Variants in ARAP1 observed in about 807,000 individuals in gnomAD.
ARAP1 encodes the protein arf-GAP with Rho-GAP domain, ANK repeat and PH domain-containing protein 1.
ARAP1 carries 76 observed loss-of-function variants against 172.2 expected under a neutral mutation model. That is an observed-to-expected ratio of 0.44 (90% CI 0.37 to 0.53). The LOEUF (loss-of-function observed/expected upper bound fraction) is 0.53. Ranked by LOEUF, ARAP1 falls within the 20% of genes least tolerant of loss-of-function variation. The pLI, the probability that ARAP1 is intolerant of heterozygous loss-of-function variation, is 0.00. For synonymous variants in ARAP1, 804 were observed against 803.3 expected (o/e 1.00, Z -0.01); for missense variants, 1,686 against 1,977.5 (o/e 0.85, Z 2.80).
In ARAP1 at chr11:72,704,342, G is replaced by T; in HGVS notation, c.1810-8C>A. On this transcript the variant is annotated splice_polypyrimidine_tract_variant and splice_region_variant and intron_variant, in intron 13 of 34. Transcript: ENST00000393609. ...CCCCAGCTGTAAGAAGAGCTGTGGGGGTGTGCAGGAGGTCAGACGGGCCAG... is the reference window on the plus strand; with the variant it reads ...CCCCAGCTGTAAGAAGAGCTGTGGGTGTGTGCAGGAGGTCAGACGGGCCAG... 6.4e-7 allele frequency: 1 copy of T among 1,564,468 alleles called. No homozygotes were observed. The highest frequency in any genetic ancestry group is 8.7e-7 in the Non-Finnish European group (1 of 1,156,060).
intron 15 of ARAP1, among the ~76,000 whole-genome samples, chr11:72,702,318 C>G (rs1856526195): frequency 6.6e-6 from 1 of 152,106 alleles, no homozygotes; most frequent in Non-Finnish European, 1.5e-5. Flanking sequence ...TGGCCCTGAG[C>G]CCAGAGCCCC....
At position 72,695,591 on chromosome 11, in the gene ARAP1, A is replaced by G; in HGVS notation, c.3458T>C (p.Ile1153Thr). ...CACGCGCATCTTCACAATGGCAGTG[A>G]TCTCCTCCCGCTGCTTCCTGAGCTC... ...EEELRKQREE[I>T]TAIVKMRVAG... Residue 1153 changes from isoleucine to threonine, a missense_variant, in exon 25 of 35, where the codon ATC (isoleucine) becomes ACC (threonine). Physicochemically the swap from Ile to Thr is moderately conservative, Grantham distance 89. Transcript: ENST00000393609. The surrounding 1 kb of genome is among the most constrained non-coding windows in gnomAD (Gnocchi z 4.4). The G allele has an allele frequency of 6.2e-7, 1 of 1,614,050 alleles. No homozygotes were observed. The highest frequency in any genetic ancestry group is 2.2e-5 in the East Asian group (1 of 44,878).
Position 72,693,116 on chromosome 11 carries a change from C to T in ARAP1, c.3954+209G>A, listed in dbSNP as rs912362846. On this transcript the variant is annotated intron_variant, in intron 29 of 34. Coordinates refer to ENST00000393609, the MANE Select transcript of ARAP1 (RefSeq NM_001040118.3). This position sits in a 1 kb window ranked among gnomAD's most constrained non-coding sequence, Gnocchi z 4.6. ...GAGTGGTGTGATGGCATCCGGGTGC[C>T]AGGGCTTAGTGGGGCTACAGGGCAC... 5.2e-5 allele frequency: 39 copies of T among 753,218 alleles called. No homozygotes were observed. The highest frequency in any genetic ancestry group is 7.7e-4 in the Middle Eastern group (2 of 2,586). 46.7% of individuals were successfully genotyped at this position (753,218 alleles called of 1,614,324 possible).
chr11:72,720,508 C>T (rs983061452), intron 3 of ARAP1, among the ~76,000 whole-genome samples: 1 of 152,196 alleles, frequency 6.6e-6, no homozygotes, highest in Non-Finnish European at 1.5e-5. Context: ...GGCCAGTCCT[C>T]TCCATGCCGC....
rs750569174 is a variant in ARAP1 at position 72,693,358 on chromosome 11, G to A, written c.3921C>T (p.Asn1307=). Residue 1307 remains asparagine, a synonymous_variant, in exon 29 of 35, where the codon AAC becomes AAT. Coordinates refer to ENST00000393609, the MANE Select transcript of ARAP1 (RefSeq NM_001040118.3). The surrounding 1 kb of genome is among the most constrained non-coding windows in gnomAD (Gnocchi z 4.6). ...GGFHDRYFIL[N]SSCLRLYKEV... Reference sequence around the variant, plus strand: ...CCTTGTAGAGCCGCAAGCAGCTGCTGTTGAGGATGAAGTAGCGATCGTGGA... The same window carrying A: ...CCTTGTAGAGCCGCAAGCAGCTGCTATTGAGGATGAAGTAGCGATCGTGGA... 25 of 1,613,832 alleles carry A rather than the reference G, an allele frequency of 1.5e-5. No homozygotes were observed. Among genetic ancestry groups the A allele is most frequent in the Non-Finnish European group, 1.9e-5 (23 of 1,179,856 alleles).
chr11:72,695,219 G>T lies in ARAP1; in HGVS notation c.3577-122C>A. 7.5e-7 allele frequency: 1 copy of T among 1,336,798 alleles called. No homozygotes were observed. The highest frequency in any genetic ancestry group is 1.1e-6 in the Non-Finnish European group (1 of 949,410). The allele number at this position is 1,336,798 out of a possible 1,614,324, so 82.8% of individuals were successfully genotyped here. The stretch of plus-strand genomic sequence containing the variant: ...GGCCCTTCTGGAGTCCTGGGATAGA[G>T]AGGGGTATTTCTGAGTGGTCCTTAG... On this transcript the variant is annotated intron_variant, in intron 26 of 34. Transcript: ENST00000393609. The surrounding 1 kb of genome is among the most constrained non-coding windows in gnomAD (Gnocchi z 4.4).
At position 72,736,700 on chromosome 11, in the gene ARAP1, C is replaced by T. The variant is rs192431934; in HGVS notation, c.-127-4103G>A. 2.7e-4 allele frequency among the ~76,000 whole-genome samples: 41 copies of T among 152,248 alleles called. 1 individual carries two copies. In the East Asian group the frequency reaches 6.2e-3, roughly 23 times the overall value. ...CTCCTTCTCTCTCATGTCCCTCCAGCGTCTCTCCACTGTGCCAACTACAGT... is the reference window on the plus strand; with the variant it reads ...CTCCTTCTCTCTCATGTCCCTCCAGTGTCTCTCCACTGTGCCAACTACAGT... On this transcript the variant is annotated intron_variant, in intron 1 of 34. Transcript: ENST00000393609.
intron 1 of ARAP1, among the ~76,000 whole-genome samples, chr11:72,746,776 C>G (rs1858380963): frequency 6.6e-6 from 1 of 152,116 alleles, no homozygotes; most frequent in South Asian, 2.1e-4. Flanking sequence ...TCCTTACTGC[C>G]CCTCCCTGAA....
At chr11:72,706,525 T>C (rs1856769776) in intron 12 of ARAP1, among the ~76,000 whole-genome samples, 2 of 152,170 alleles carry the variant, frequency 1.3e-5, no homozygotes, top group African/African-American at 4.8e-5. Context: ...ATTGAGCAGA[T>C]GAATGAACCT....
chr11:72,735,824 C>T (rs972830085), intron 1 of ARAP1, among the ~76,000 whole-genome samples: 3 of 152,144 alleles, frequency 2.0e-5, no homozygotes, highest in Non-Finnish European at 2.9e-5. Flanking sequence ...CACGGTGACT[C>T]GGCACTGACA....
intron 3 of ARAP1, among the ~76,000 whole-genome samples, chr11:72,724,620 T>C (rs1020431028): frequency 1.3e-5 from 2 of 152,116 alleles, no homozygotes; most frequent in Admixed American, 6.6e-5. Context: ...GCTGTGAGTT[T>C]TTCCTACCAC....
chr11:72,692,889 G>C (rs1234057650), intron 29 of ARAP1, 104 bp from the exon 30 acceptor site: 97 of 1,431,740 alleles, frequency 6.8e-5, no homozygotes, highest in Non-Finnish European at 4.8e-5. Context: ...GCATGTATGT[G>C]CAGAAGGTGG....
chr11:72,695,123 C>A lies in ARAP1; in HGVS notation c.3577-26G>T. ...CTGCAAGGACCAAGGAGGAGATTAG[C>A]CTGCCTGTGCCTAGCCCCTGCTCTG... On this transcript the variant is annotated intron_variant, in intron 26 of 34. Transcript: ENST00000393609. The surrounding 1 kb of genome is among the most constrained non-coding windows in gnomAD (Gnocchi z 4.4). 1 of 1,606,950 alleles carries A rather than the reference C, an allele frequency of 6.2e-7. No homozygotes were observed.
chr11:72,722,227 C>T (rs1400184801), intron 3 of ARAP1: 7 of 984,868 alleles, frequency 7.1e-6, no homozygotes, highest in Non-Finnish European at 8.4e-6. Context: ...CTCTGTGTGT[C>T]TGTGTGTATG....
rs142648968 is a variant in ARAP1, at chr11:72,687,945, C to T, written c.4071-207G>A. The stretch of plus-strand genomic sequence containing the variant: ...GACACCCCTAAGCCCCAGCCCTACC[C>T]TCAGAATCTGTGATTCAGTAGGAAT... On this transcript the variant is annotated intron_variant, in intron 31 of 34. Transcript: ENST00000393609. Among the ~76,000 whole-genome samples the T allele has an allele frequency of 7.1e-3, 1,077 of 152,244 alleles. 10 individuals carry two copies. Among genetic ancestry groups the T allele is most frequent in the African/African-American group, 0.025 (1,018 of 41,544 alleles).
chr11:72,748,687 A>C (rs1394516184), intron 1 of ARAP1, among the ~76,000 whole-genome samples: 1 of 152,202 alleles, frequency 6.6e-6, no homozygotes. Flanking sequence ...TTCCACAGGA[A>C]GACCATGTGG....
rs562131797 is a variant in ARAP1, at chr11:72,706,763, G to A, written c.1723+412C>T. On this transcript the variant is annotated intron_variant, in intron 12 of 34. Transcript: ENST00000393609. ...GACCCACAAATCTGACCATGTCCCC[G>A]CCTCCCATCGCCCTCCAGACAAAAA... Among the ~76,000 whole-genome samples the A allele has an allele frequency of 8.5e-5, 13 of 152,054 alleles. No homozygotes were observed. In the South Asian group the frequency reaches 2.3e-3, roughly 27 times the overall value.
chr11:72,746,702 T>C (rs982388405), intron 1 of ARAP1, among the ~76,000 whole-genome samples: 8 of 132,730 alleles, frequency 6.0e-5, no homozygotes, highest in Non-Finnish European at 9.6e-5. Flanking sequence ...CCCAATTTGG[T>C]TGGTTTCTGT....
intron 12 of ARAP1, 71 bp downstream of exon 12, chr11:72,707,104 A>G (rs975658928): frequency 1.4e-6 from 2 of 1,428,852 alleles, no homozygotes; most frequent in African/African-American, 1.4e-5. Flanking sequence ...TCCTCCAGAT[A>G]GGATACCTGC....
Sources: gnomAD v4.1 joint callset for allele counts (sites outside exome capture counted in the v4.1 genomes callset) on GRCh38, gnomAD v4.1.1 for gene constraint, Gnocchi (gnomAD v3.1) non-coding constraint, MANE v1.5 for transcripts, NCBI Gene and HGNC (gene_info 2026-07-23, HGNC 2026-07-21) for gene names.